WIF1: variants seen among roughly 807,000 people sequenced by gnomAD.
WIF1 encodes the protein Wnt inhibitory factor 1.
In WIF1, 35 loss-of-function variants were observed where a neutral mutation model predicts 53.5. That is an observed-to-expected ratio of 0.65 (90% CI 0.50 to 0.87). The LOEUF (loss-of-function observed/expected upper bound fraction) is 0.87, where lower values mean the gene tolerates loss of function less well. Among genes scored for constraint, WIF1 ranks in the 40% least tolerant of loss-of-function variants. WIF1 has a pLI of 0.00. For missense variants in WIF1, 467 were observed against 476.8 expected, an observed-to-expected ratio of 0.98 and a Z score of 0.19; for synonymous variants, 171 against 170.4, an observed-to-expected ratio of 1.00 and a Z score of -0.03.
intron 7 of WIF1, among the ~76,000 whole-genome samples, chr12:65,062,239 G>A (rs1882624120): frequency 6.6e-6 from 1 of 152,166 alleles, no homozygotes; most frequent in Non-Finnish European, 1.5e-5. Flanking sequence ...TCCAAACCCA[G>A]ACATAACCGA....
At position 65,062,511 on chromosome 12, in the gene WIF1, G is replaced by C. The variant is rs1482903439; in HGVS notation, c.796C>G (p.Pro266Ala). 1.2e-6 allele frequency: 2 copies of C among 1,608,346 alleles called. No individual in the cohort carries two copies. Among genetic ancestry groups the C allele is most frequent in the South Asian group, 2.2e-5 (2 of 90,040 alleles). Residue 266 changes from proline to alanine, a missense_variant, in exon 7 of 10, where the codon CCA becomes GCA. Coordinates refer to ENST00000286574, the MANE Select transcript of WIF1 (RefSeq NM_007191.5). ...TCACACTGCTCTCCCTCTAGTCCTG[G>C]AGGGCAAATACATTTTCCAGGGTAG... ...CFYPGKCICP[P>A]GLEGEQCEIS...
At chr12:65,072,579 T>G (rs1882800653) in intron 3 of WIF1, among the ~76,000 whole-genome samples, 1 of 152,186 alleles carries the variant, frequency 6.6e-6, no homozygotes, top group South Asian at 2.1e-4. Context: ...ATATACCTTG[T>G]GTGCACAGGC....
At chr12:65,096,511 A>C (rs909857247) in intron 2 of WIF1, among the ~76,000 whole-genome samples, 2 of 152,210 alleles carry the variant, frequency 1.3e-5, no homozygotes, top group African/African-American at 2.4e-5. Context: ...CAATCCCATT[A>C]CTGGGTATAT....
Position 65,068,791 on chromosome 12 carries a change from C to A in WIF1, c.511G>T (p.Ala171Ser), listed in dbSNP as rs1882727930. The change falls in exon 4 of 10, where the codon GCT becomes TCT. Residue 171 changes from alanine to serine, a missense_variant. Transcript: ENST00000286574. ...TGTTGACATGTTTTAAAGAAGATAGCATTTTGAGGTGTTTGGAGAATGGTG... is the reference window on the plus strand; with the variant it reads ...TGTTGACATGTTTTAAAGAAGATAGAATTTTGAGGTGTTTGGAGAATGGTG... ...GNTILQTPQN[A>S]IFFKTCQQAE... 1 of 1,613,304 alleles carries A rather than the reference C, an allele frequency of 6.2e-7. No homozygotes were observed. The highest frequency in any genetic ancestry group is 1.7e-5 in the Admixed American group (1 of 59,914).
intron 2 of WIF1, among the ~76,000 whole-genome samples, chr12:65,110,139 C>CTT (rs1485032131): frequency 1.3e-5 from 2 of 152,244 alleles, no homozygotes; most frequent in East Asian, 3.9e-4. Flanking sequence ...AACTGCTTTT[C>CTT]TTATACATAA....
intron 2 of WIF1, among the ~76,000 whole-genome samples, chr12:65,084,786 CCT>C (rs1565755030): frequency 6.6e-6 from 1 of 152,242 alleles, no homozygotes; most frequent in East Asian, 1.9e-4. Context: ...ATGGCATTAG[CCT>C]CTGATTCTAG....
intron 2 of WIF1, among the ~76,000 whole-genome samples, chr12:65,101,150 G>A (rs555569076): frequency 2.0e-5 from 3 of 152,014 alleles, no homozygotes; most frequent in Non-Finnish European, 4.4e-5. Context: ...GGTTATATCC[G>A]GGAAATTAAG....
intron 2 of WIF1, among the ~76,000 whole-genome samples, chr12:65,104,004 G>A (rs1403105401): frequency 6.6e-6 from 1 of 152,152 alleles, no homozygotes; most frequent in Non-Finnish European, 1.5e-5. Flanking sequence ...GGTTGGGGCT[G>A]CAGTGAGTCA....
At chr12:65,120,989 A>T (rs1258898104) in intron 1 of WIF1, 55 bp downstream of exon 1, 22 of 1,381,272 alleles carry the variant, frequency 1.6e-5, no homozygotes, top group Non-Finnish European at 1.9e-5. Flanking sequence ...TCTTTCTTGA[A>T]GAGTGGAGAG....
intron 2 of WIF1, among the ~76,000 whole-genome samples, chr12:65,097,747 C>T (rs1231394606): frequency 1.3e-5 from 2 of 152,330 alleles, no homozygotes; most frequent in East Asian, 3.9e-4. Flanking sequence ...GAGAGTGAAT[C>T]TTTCCACAGA....
chr12:65,056,366 CTTTTTTTTT>C (rs10584146), intron 7 of WIF1, among the ~76,000 whole-genome samples: 1 of 24,222 alleles, frequency 4.1e-5, no homozygotes, highest in African/African-American at 1.4e-4. Flanking sequence ...CATTTATATC[CTTTTTTTTT>C]TTTTTTTTTT....
At chr12:65,110,570 G>C (rs973918102) in intron 2 of WIF1, among the ~76,000 whole-genome samples, 1 of 152,186 alleles carries the variant, frequency 6.6e-6, no homozygotes, top group Non-Finnish European at 1.5e-5. Flanking sequence ...GATCCTAGCT[G>C]CCCAGGTTTA....
At position 65,056,103 on chromosome 12, in the gene WIF1, T is replaced by C. The variant is rs768033163; in HGVS notation, c.850A>G (p.Asn284Asp). ...CTTTTACCAATGCATTTACCTCCAT[T>C]TCGACAGGGTTGTGGGCATTTGCCT... ...EISKCPQPCR[N>D]GGKCIGKSKC... is the part of the protein sequence containing the mutation. Residue 284 changes from asparagine (N) to aspartate (D), a missense_variant, in exon 8 of 10, where the codon AAT (asparagine) becomes GAT (aspartate). Asn to Asp is a conservative substitution (Grantham distance 23). Transcript: ENST00000286574. 3 of 1,614,046 alleles carry C rather than the reference T, an allele frequency of 1.9e-6. No homozygotes were observed. The highest frequency in any genetic ancestry group is 1.7e-6 in the Non-Finnish European group (2 of 1,179,970).
Position 65,083,831 on chromosome 12 carries a change from C to CTT in WIF1, c.289-5979_289-5978dup, listed in dbSNP as rs745818201. The CTT allele has an allele frequency of 1.1e-3, 305 of 272,658 alleles. 5 individuals carry two copies. Among genetic ancestry groups the CTT allele is most frequent in the Non-Finnish European group, 1.5e-3 (213 of 139,896 alleles). The allele number at this position is 272,658 out of a possible 1,614,324, so 16.9% of individuals were successfully genotyped here. A position where few individuals can be genotyped will look rare whatever the true frequency, so the allele number is the denominator to read the frequency against. On this transcript the variant is annotated intron_variant, in intron 2 of 9. Coordinates refer to ENST00000286574, the MANE Select transcript of WIF1 (RefSeq NM_007191.5). Reference sequence around the variant, plus strand: ...CCTTTCCTTTCCTCTCCTCTTTTCTCTTTTCTTTTCTTTTCTTTTCTTTTC... The same window carrying CTT: ...CCTTTCCTTTCCTCTCCTCTTTTCTCTTTTTTCTTTTCTTTTCTTTTCTTTTC...
intron 2 of WIF1, among the ~76,000 whole-genome samples, chr12:65,078,226 G>T (rs1882894532): frequency 6.6e-6 from 1 of 151,960 alleles, no homozygotes; most frequent in South Asian, 2.1e-4. Flanking sequence ...TTACAGGCAT[G>T]TACCACCACG....
intron 3 of WIF1, 45 bp downstream of exon 3, chr12:65,077,701 A>C: frequency 7.4e-7 from 1 of 1,346,292 alleles, no homozygotes; most frequent in South Asian, 1.2e-5. Flanking sequence ...TCTTATCATC[A>C]TTACATTTTA....
At chr12:65,078,127 G>A (rs1882893041) in intron 2 of WIF1, among the ~76,000 whole-genome samples, 1 of 152,128 alleles carries the variant, frequency 6.6e-6, no homozygotes, top group Non-Finnish European at 1.5e-5. Flanking sequence ...TGCCCAGGCT[G>A]GAGTGCAGTG....
chr12:65,092,382 G>C (rs1883135655), intron 2 of WIF1, among the ~76,000 whole-genome samples: 1 of 151,234 alleles, frequency 6.6e-6, no homozygotes, highest in Admixed American at 6.6e-5. Context: ...GTATACCTAT[G>C]TAACAAGCCT....
chr12:65,089,454 T>A (rs530096810), intron 2 of WIF1, among the ~76,000 whole-genome samples: 186 of 152,262 alleles, frequency 1.2e-3, no homozygotes, highest in Middle Eastern at 0.01. Context: ...GGCACCATCA[T>A]CCAATTTTTC....
Sources: allele counts gnomAD v4.1 joint callset (sites outside exome capture counted in the v4.1 genomes callset), GRCh38; gene constraint gnomAD v4.1.1; transcripts MANE v1.5; gene names NCBI Gene and HGNC (gene_info 2026-07-23, HGNC 2026-07-21).